UGT1A9: variants seen among roughly 807,000 people sequenced by gnomAD.
The protein encoded by UGT1A9 is UDP glucuronosyltransferase family 1 member A9, also known as UDP-glucuronosyltransferase 1A9.
In UGT1A9, 35 loss-of-function variants were observed where a neutral mutation model predicts 45.0. The observed-to-expected ratio is 0.78, with a 90% CI of 0.59 to 1.03. The LOEUF is 1.03. Ranked by LOEUF, UGT1A9 falls within the 50% of genes least tolerant of loss-of-function variation. The probability of loss-of-function intolerance (pLI) is 0.00; values close to 1 mark genes in which losing one functional copy is unlikely to be tolerated. For synonymous variants in UGT1A9, 278 were observed against 250.6 expected (o/e 1.11, Z -1.03); for missense variants, 687 against 666.6 (o/e 1.03, Z -0.34).
chr2:233,721,911 G>GGAA, intron 1 of UGT1A9: 1 of 435,688 alleles, frequency 2.3e-6, no homozygotes, highest in Non-Finnish European at 4.6e-6. Flanking sequence ...GGTGCACACT[G>GGAA]CTTCCATAAA....
rs4148323 is a variant in UGT1A9, at chr2:233,760,498, G to A, written c.856-6536G>A. The A allele has an allele frequency of 9.2e-3, 14,886 of 1,614,236 alleles. 811 individuals carry two copies. The East Asian group carries it at 0.16, about 18-fold the overall frequency. On this transcript the variant is annotated intron_variant, in intron 1 of 4. Coordinates refer to ENST00000354728, the MANE Select transcript of UGT1A9 (RefSeq NM_021027.3). Reference sequence around the variant, plus strand: ...TGACGCCTCGTTGTACATCAGAGACGGAGCATTTTACACCTTGAAGACGTA... The same window carrying A: ...TGACGCCTCGTTGTACATCAGAGACAGAGCATTTTACACCTTGAAGACGTA...
chr2:233,765,251 A>C (rs1476483631), intron 1 of UGT1A9, among the ~76,000 whole-genome samples: 1 of 152,222 alleles, frequency 6.6e-6, no homozygotes, highest in African/African-American at 2.4e-5. Flanking sequence ...TAATCCCATT[A>C]CTGGGTATAT....
intron 1 of UGT1A9, among the ~76,000 whole-genome samples, chr2:233,757,818 T>C (rs527929450): frequency 1.3e-5 from 2 of 151,564 alleles, no homozygotes; most frequent in East Asian, 3.9e-4. Flanking sequence ...GAGCTGGTAG[T>C]GTGTCTGATG....
At chr2:233,746,367 C>T (rs1317726089) in intron 1 of UGT1A9, among the ~76,000 whole-genome samples, 1 of 151,694 alleles carries the variant, frequency 6.6e-6, no homozygotes, top group Non-Finnish European at 1.5e-5. Flanking sequence ...AGTAACAAGT[C>T]CCTTCATTCT....
chr2:233,744,090 T>G (rs1692690512), intron 1 of UGT1A9: 7 of 425,206 alleles, frequency 1.6e-5, no homozygotes, highest in South Asian at 1.4e-4. Context: ...CAAGATGCAG[T>G]GCTTCTGGGA....
rs1447098381 is a variant in UGT1A9 at position 233,718,854 on chromosome 2, C to G, written c.855+46065C>G. 1.9e-6 allele frequency: 3 copies of G among 1,613,744 alleles called. 1 individual carries two copies. Among genetic ancestry groups the G allele is most frequent in the South Asian group, 2.2e-5 (2 of 91,050 alleles). On this transcript the variant is annotated intron_variant, in intron 1 of 4. Transcript: ENST00000354728. ...AGGACTCCAGGTTCCCCTGCCGCGG[C>G]TGGCCACAGGACTGCTGCTCCTCCT...
chr2:233,734,462 A>G (rs990660022), intron 1 of UGT1A9, among the ~76,000 whole-genome samples: 2 of 145,254 alleles, frequency 1.4e-5, no homozygotes, highest in African/African-American at 5.4e-5. Context: ...TTCAAAATCC[A>G]TCTCCTGGAT....
chr2:233,722,328 T>C (rs2077007170), intron 1 of UGT1A9, among the ~76,000 whole-genome samples: 1 of 152,230 alleles, frequency 6.6e-6, no homozygotes, highest in African/African-American at 2.4e-5. Flanking sequence ...GGTTGACCCT[T>C]AGATTTGAAA....
At chr2:233,720,871 A>AT (rs60621337) in intron 1 of UGT1A9, among the ~76,000 whole-genome samples, 4,423 of 132,758 alleles carry the variant, frequency 0.033, 90 homozygotes, top group Middle Eastern at 0.07. Context: ...GCTCCTGGCA[A>AT]TTTTTTTTTT....
At chr2:233,763,924 T>C (rs1294643853) in intron 1 of UGT1A9, among the ~76,000 whole-genome samples, 1 of 152,112 alleles carries the variant, frequency 6.6e-6, no homozygotes, top group African/African-American at 2.4e-5. Context: ...GGCTTCGAGA[T>C]GGCCAGGAGA....
At chr2:233,693,021 G>A (rs115279280) in intron 1 of UGT1A9, 78 of 1,614,090 alleles carry the variant, frequency 4.8e-5, no homozygotes, top group Middle Eastern at 1.7e-4. Flanking sequence ...TGCCTCCTTC[G>A]CTCATTTCAG....
rs377755645 is a variant in UGT1A9, at chr2:233,743,742, C to T, written c.856-23292C>T. The T allele has an allele frequency of 2.5e-5, 34 of 1,367,276 alleles. No homozygotes were observed. In the South Asian group the frequency reaches 3.5e-4, roughly 14 times the overall value. The allele number at this position is 1,367,276 out of a possible 1,614,324, so 84.7% of individuals were successfully genotyped here. On this transcript the variant is annotated intron_variant, in intron 1 of 4. Coordinates refer to ENST00000354728, the MANE Select transcript of UGT1A9 (RefSeq NM_021027.3). ...CGGTCATAGATATCGCGTTTCTTGG[C>T]GTCCGACAACACCTCGTAGGCCTCG...
chr2:233,768,305 G>C lies in UGT1A9; in HGVS notation c.1161G>C (p.Met387Ile). The change falls in exon 4 of 5, where the codon ATG (methionine) becomes ATC (isoleucine). Residue 387 changes from methionine (M) to isoleucine (I), a missense_variant. Coordinates refer to ENST00000354728, the MANE Select transcript of UGT1A9 (RefSeq NM_021027.3). ...ESICNGVPMV[M>I]MPLFGDQMDN... ...TATGCAATGGCGTTCCCATGGTGAT[G>C]ATGCCCTTGTTTGGTGATCAGATGG... 1 of 1,614,202 alleles carries C rather than the reference G, an allele frequency of 6.2e-7. No individual in the cohort carries two copies. The highest frequency in any genetic ancestry group is 8.5e-7 in the Non-Finnish European group (1 of 1,180,040).
chr2:233,685,792 G>T (rs1336439537), intron 1 of UGT1A9, among the ~76,000 whole-genome samples: 2 of 151,898 alleles, frequency 1.3e-5, no homozygotes, highest in Non-Finnish European at 2.9e-5. Flanking sequence ...AGAAAATCTT[G>T]GCATGTTGTC....
At position 233,714,698 on chromosome 2, in the gene UGT1A9, T is replaced by G. The variant is rs28899185; in HGVS notation, c.855+41909T>G. On this transcript the variant is annotated intron_variant, in intron 1 of 4. Transcript: ENST00000354728. ...AATATTATCCTTTCAACATGTGAAC[T>G]GTTTAACGTAGCTTTTTTTGTTGTT... 4.8e-3 allele frequency among the ~76,000 whole-genome samples: 731 copies of G among 152,338 alleles called. 10 individuals are homozygous for G. The highest frequency in any genetic ancestry group is 0.017 in the African/African-American group (696 of 41,576).
chr2:233,717,709 C>T (rs1575518091), intron 1 of UGT1A9: 13 of 452,360 alleles, frequency 2.9e-5, no homozygotes, highest in East Asian at 1.4e-4. Context: ...GCAGGACGAG[C>T]CTCATGGGCA....
At chr2:233,738,796 A>G (rs1559382708) in intron 1 of UGT1A9, among the ~76,000 whole-genome samples, 1 of 152,236 alleles carries the variant, frequency 6.6e-6, no homozygotes, top group Admixed American at 6.5e-5. Flanking sequence ...CAGATGCAGA[A>G]ATACTAGCTA....
chr2:233,725,083 A>C (rs2077363375), intron 1 of UGT1A9, among the ~76,000 whole-genome samples: 1 of 145,276 alleles, frequency 6.9e-6, no homozygotes, highest in African/African-American at 2.6e-5. Flanking sequence ...GGCACTCGGC[A>C]GGCTGAGGCA....
At position 233,769,481 on chromosome 2, in the gene UGT1A9, G is replaced by T. The variant is rs35791110; in HGVS notation, c.1295+1042G>T. 6.2e-7 allele frequency: 1 copy of T among 1,612,192 alleles called. No homozygotes were observed. The highest frequency in any genetic ancestry group is 1.3e-5 in the African/African-American group (1 of 75,008). ...TTCATATGCGTGTGTGTGTGTGTGC[G>T]TGTGTTTATGAGAGTGTCCATTGCT... is the stretch of plus-strand genomic sequence containing the variant. On this transcript the variant is annotated intron_variant, in intron 4 of 4. Transcript: ENST00000354728. The surrounding 1 kb of genome is among the most constrained non-coding windows in gnomAD (Gnocchi z 4.4).
Sources: gnomAD v4.1 joint callset for allele counts (sites outside exome capture counted in the v4.1 genomes callset) on GRCh38, gnomAD v4.1.1 for gene constraint, Gnocchi (gnomAD v3.1) non-coding constraint, MANE v1.5 for transcripts, NCBI Gene and HGNC (gene_info 2026-07-23, HGNC 2026-07-21) for gene names.